RPGRIP1L: variants seen among roughly 807,000 people sequenced by gnomAD.
RPGRIP1L encodes the protein RPGRIP1 like.
RPGRIP1L carries 131 observed loss-of-function variants against 160.4 expected under a neutral mutation model. The ratio of observed to expected loss-of-function variants is 0.82; its 90% CI spans 0.71 to 0.94. The LOEUF (loss-of-function observed/expected upper bound fraction) is 0.94, where lower values mean the gene tolerates loss of function less well. Among genes scored for constraint, RPGRIP1L ranks in the 40% least tolerant of loss-of-function variants. The probability of loss-of-function intolerance (pLI) is 0.00; values close to 1 mark genes in which losing one functional copy is unlikely to be tolerated. For missense variants in RPGRIP1L, 1,522 were observed against 1,535.8 expected (o/e 0.99, Z 0.15); for synonymous variants, 510 against 515.8 (o/e 0.99, Z 0.15).
intron 4 of RPGRIP1L, among the ~76,000 whole-genome samples, chr16:53,689,192 C>T (rs1408471296): frequency 6.6e-6 from 1 of 151,630 alleles, no homozygotes; most frequent in Non-Finnish European, 1.5e-5. Context: ...GTGTAATGAT[C>T]CAATCAGGGT....
intron 10 of RPGRIP1L, among the ~76,000 whole-genome samples, chr16:53,663,377 T>G (rs1342489722): frequency 6.6e-6 from 1 of 152,076 alleles, no homozygotes; most frequent in Non-Finnish European, 1.5e-5. Flanking sequence ...TCAGTTCAGA[T>G]ATCCAAAAGA....
chr16:53,638,867 G>T (rs533848019), intron 19 of RPGRIP1L, among the ~76,000 whole-genome samples: 1 of 151,838 alleles, frequency 6.6e-6, no homozygotes, highest in African/African-American at 2.4e-5. Context: ...ATACAAACAA[G>T]CAAGCAAACA....
intron 2 of RPGRIP1L, among the ~76,000 whole-genome samples, chr16:53,700,154 C>T (rs186371844): frequency 4.9e-4 from 75 of 152,300 alleles, no homozygotes; most frequent in Admixed American, 4.1e-3. Flanking sequence ...AGCTCTACAG[C>T]AACTACTAAG....
At chr16:53,697,320 T>TC (rs1313668753) in intron 2 of RPGRIP1L, among the ~76,000 whole-genome samples, 2 of 151,476 alleles carry the variant, frequency 1.3e-5, no homozygotes, top group African/African-American at 4.9e-5. Context: ...AATCTCCCTC[T>TC]CCCTCTCCCT....
At chr16:53,678,915 C>T (rs923174926) in intron 6 of RPGRIP1L, among the ~76,000 whole-genome samples, 1 of 152,182 alleles carries the variant, frequency 6.6e-6, no homozygotes, top group Non-Finnish European at 1.5e-5. Flanking sequence ...TAGGGATACA[C>T]AGATAACAAT....
chr16:53,653,381 T>G, intron 14 of RPGRIP1L: 1 of 1,023,032 alleles, frequency 9.8e-7, no homozygotes, highest in African/African-American at 1.7e-5. Context: ...TTCCTTTAAC[T>G]TATTAAGATT....
chr16:53,606,531 T>G (rs960051698), intron 25 of RPGRIP1L, among the ~76,000 whole-genome samples: 2 of 152,210 alleles, frequency 1.3e-5, no homozygotes, highest in Admixed American at 6.5e-5. Context: ...GACAATACAT[T>G]TAACCAACTT....
intron 24 of RPGRIP1L, among the ~76,000 whole-genome samples, chr16:53,614,621 A>T (rs565961189): frequency 3.3e-5 from 5 of 152,322 alleles, no homozygotes; most frequent in Admixed American, 3.3e-4. Context: ...ATGTCATGAT[A>T]TCCTATGACT....
chr16:53,658,505 G>A, intron 11 of RPGRIP1L, 41 bp from the exon 12 acceptor site: 1 of 1,451,746 alleles, frequency 6.9e-7, no homozygotes, highest in South Asian at 1.1e-5. Context: ...AGTTATGAAT[G>A]GAAAATACAA....
At chr16:53,698,839 C>T (rs1336073603) in intron 2 of RPGRIP1L, among the ~76,000 whole-genome samples, 6 of 146,816 alleles carry the variant, frequency 4.1e-5, no homozygotes, top group African/African-American at 1.5e-4. Context: ...GCCGCCCCTA[C>T]TGGGAAGTGA....
intron 3 of RPGRIP1L, among the ~76,000 whole-genome samples, chr16:53,693,141 AGT>A (rs1318411115): frequency 6.6e-6 from 1 of 152,346 alleles, no homozygotes; most frequent in East Asian, 1.9e-4. Context: ...CATGCCTGAC[AGT>A]GAATGGAAAA....
chr16:53,607,548 C>G (rs926286210), intron 25 of RPGRIP1L, among the ~76,000 whole-genome samples: 1 of 152,132 alleles, frequency 6.6e-6, no homozygotes, highest in Non-Finnish European at 1.5e-5. Flanking sequence ...CATATTATAA[C>G]ACAAGACTTA....
chr16:53,634,302 T>G (rs58848019), intron 22 of RPGRIP1L, among the ~76,000 whole-genome samples: 7,788 of 152,272 alleles, frequency 0.051, 407 homozygotes, highest in East Asian at 0.31. Flanking sequence ...GGATTAAGTT[T>G]CAACATAAAT....
chr16:53,617,096 A>AAAAAAAAAAAAAC (rs1964428860), intron 24 of RPGRIP1L, among the ~76,000 whole-genome samples: 1 of 148,832 alleles, frequency 6.7e-6, no homozygotes, highest in African/African-American at 2.5e-5. Flanking sequence ...AAAAAAAAAA[A>AAAAAAAAAAAAAC]AAAGCACAAC....
At chr16:53,618,447 C>T (rs1964512907) in intron 24 of RPGRIP1L, among the ~76,000 whole-genome samples, 1 of 152,182 alleles carries the variant, frequency 6.6e-6, no homozygotes, top group South Asian at 2.1e-4. Flanking sequence ...AATTATAGAC[C>T]TAGCTGACAT....
At chr16:53,646,065 C>T in intron 16 of RPGRIP1L, 62 bp from the exon 17 acceptor site, 1 of 1,458,114 alleles carries the variant, frequency 6.9e-7, no homozygotes, top group African/African-American at 1.4e-5. Flanking sequence ...ACAGCAGCTG[C>T]CAAGCCCCAA....
intron 20 of RPGRIP1L, 58 bp from the exon 21 acceptor site, chr16:53,637,912 A>C: frequency 6.6e-7 from 1 of 1,518,720 alleles, no homozygotes; most frequent in Middle Eastern, 1.7e-4. Flanking sequence ...ATTTTATAGC[A>C]TTATTGCTGG....
chr16:53,641,223 T>A (rs1354324792), intron 18 of RPGRIP1L, 62 bp downstream of exon 18: 3 of 1,534,934 alleles, frequency 2.0e-6, no homozygotes, highest in Non-Finnish European at 2.7e-6. Flanking sequence ...GGCAGCTTAG[T>A]TCTTAAGCTT....
Position 53,657,759 on chromosome 16 carries a change from G to GTTT in RPGRIP1L, c.1402-128_1402-127insAAA, listed in dbSNP as rs530014523. The GTTT allele has an allele frequency of 2.5e-3, 1,552 of 620,614 alleles. 1 individual carries two copies. Among genetic ancestry groups the GTTT allele is most frequent in the Middle Eastern group, 4.7e-3 (11 of 2,318 alleles). 38.4% of individuals were successfully genotyped at this position (620,614 alleles called of 1,614,324 possible). A position where few individuals can be genotyped will look rare whatever the true frequency, so the allele number is the denominator to read the frequency against. ...TTTTCAATTTCATTAATTGAAAACA[G>GTTT]ACAAAGGAAGTCCTGATATATATAT... On this transcript the variant is annotated intron_variant, in intron 12 of 26. Coordinates refer to ENST00000647211, the MANE Select transcript of RPGRIP1L (RefSeq NM_015272.5).
Sources: allele counts gnomAD v4.1 joint callset (sites outside exome capture counted in the v4.1 genomes callset), GRCh38; gene constraint gnomAD v4.1.1; transcripts MANE v1.5; gene names NCBI Gene and HGNC (gene_info 2026-07-23, HGNC 2026-07-21).